Variants in ADH7 observed in about 807,000 individuals in gnomAD.
ADH7 encodes alcohol dehydrogenase 7 (class IV), mu or sigma polypeptide, also known as all-trans-retinol dehydrogenase [NAD(+)] ADH7.
Under a neutral mutation model 34.4 loss-of-function variants are expected in ADH7, and 41 were observed. That is an observed-to-expected ratio of 1.19 (90% confidence interval 0.93 to 1.55). The LOEUF (loss-of-function observed/expected upper bound fraction) is 1.55, where lower values mean the gene tolerates loss of function less well. Ranked by LOEUF, ADH7 falls within the 40% of genes most tolerant of loss-of-function variation. The pLI, the probability that ADH7 is intolerant of heterozygous loss-of-function variation, is 0.00. For missense variants in ADH7, 540 were observed against 461.2 expected, an observed-to-expected ratio of 1.17 and a Z score of -1.56; for synonymous variants, 180 against 160.9, an observed-to-expected ratio of 1.12 and a Z score of -0.90.
At chr4:99,416,388 C>T (rs1721516185) in intron 7 of ADH7, among the ~76,000 whole-genome samples, 1 of 152,116 alleles carries the variant, frequency 6.6e-6, no homozygotes, top group South Asian at 2.1e-4. Flanking sequence ...TCTTTGAGCT[C>T]CATTTTGACC....
At chr4:99,420,486 G>C (rs1154460) in intron 6 of ADH7, 47 bp downstream of exon 6, 9 of 1,570,754 alleles carry the variant, frequency 5.7e-6, no homozygotes, top group Non-Finnish European at 7.0e-6. Context: ...CCTTGTGCAT[G>C]TCTAATAACT....
rs569020312 is a variant in ADH7, at chr4:99,424,508, T to A, written c.564+3265A>T. Among the ~76,000 whole-genome samples, 882 of 152,308 alleles carry A rather than the reference T, an allele frequency of 5.8e-3. 6 individuals are homozygous for A. The highest frequency in any genetic ancestry group is 7.8e-3 in the Non-Finnish European group (531 of 68,022). Reference sequence around the variant, plus strand: ...TCATGATATTGATTCTTCCTACCCATGAGCATGGAATGTTCTTCCATTTCT... The same window carrying A: ...TCATGATATTGATTCTTCCTACCCAAGAGCATGGAATGTTCTTCCATTTCT... On this transcript the variant is annotated intron_variant, in intron 5 of 8. Coordinates refer to ENST00000437033, the MANE Select transcript of ADH7 (RefSeq NM_000673.7).
intron 5 of ADH7, among the ~76,000 whole-genome samples, chr4:99,427,221 T>G (rs1721830295): frequency 6.6e-6 from 1 of 152,194 alleles, no homozygotes. Context: ...ACAGCATTAC[T>G]GATAATAGGC....
intron 7 of ADH7, among the ~76,000 whole-genome samples, chr4:99,418,071 A>T (rs1041461203): frequency 8.5e-5 from 13 of 152,204 alleles, no homozygotes; most frequent in African/African-American, 3.1e-4. Context: ...CAGTTTTATT[A>T]TTCATTAAGT....
chr4:99,417,164 G>A (rs1721539114), intron 7 of ADH7, among the ~76,000 whole-genome samples: 1 of 152,066 alleles, frequency 6.6e-6, no homozygotes, highest in Non-Finnish European at 1.5e-5. Context: ...GCCAGAAGGA[G>A]AGTGTTAAAA....
At chr4:99,420,436 C>T in intron 6 of ADH7, 97 bp downstream of exon 6, 1 of 1,321,458 alleles carries the variant, frequency 7.6e-7, no homozygotes, top group Non-Finnish European at 1.0e-6. Flanking sequence ...GAGATATTTC[C>T]ATTATTGACT....
rs1171519139 is a variant in ADH7, at chr4:99,433,058, T to C, written c.18+2158A>G. ...ATGGTAAAATGGGCCATCTTACCTA[T>C]GTCAACCCTTTAGAAAGTAATTTGC... On this transcript the variant is annotated intron_variant, in intron 1 of 8. Transcript: ENST00000437033. 2.0e-5 allele frequency among the ~76,000 whole-genome samples: 3 copies of C among 152,296 alleles called. No homozygotes were observed. The East Asian group carries it at 5.8e-4, about 29-fold the overall frequency.
intron 6 of ADH7, among the ~76,000 whole-genome samples, chr4:99,419,560 A>G (rs1721600784): frequency 6.6e-6 from 1 of 152,082 alleles, no homozygotes; most frequent in Non-Finnish European, 1.5e-5. Context: ...TTTTCTTGGG[A>G]GCATTTCTGA....
chr4:99,421,770 T>A (rs565166821), intron 5 of ADH7, among the ~76,000 whole-genome samples: 6 of 152,112 alleles, frequency 3.9e-5, no homozygotes, highest in Admixed American at 1.3e-4. Flanking sequence ...AGGTCTAATA[T>A]GCAGAATTTA....
intron 1 of ADH7, among the ~76,000 whole-genome samples, chr4:99,433,127 A>G (rs1295954278): frequency 6.6e-6 from 1 of 152,188 alleles, no homozygotes; most frequent in East Asian, 1.9e-4. Flanking sequence ...ATGTTTACCC[A>G]TGTAATTCCA....
At chr4:99,433,158 G>A (rs1215204589) in intron 1 of ADH7, among the ~76,000 whole-genome samples, 2 of 152,034 alleles carry the variant, frequency 1.3e-5, no homozygotes, top group Admixed American at 1.3e-4. Context: ...CTACCTCGAA[G>A]AAATATTAAT....
chr4:99,421,791 A>G (rs1470082039), intron 5 of ADH7, among the ~76,000 whole-genome samples: 1 of 152,246 alleles, frequency 6.6e-6, no homozygotes, highest in Admixed American at 6.5e-5. Flanking sequence ...CAAGGAACTT[A>G]AACAAATATA....
intron 5 of ADH7, among the ~76,000 whole-genome samples, chr4:99,423,015 T>C (rs1391308991): frequency 1.2e-4 from 15 of 124,892 alleles, no homozygotes; most frequent in Admixed American, 3.2e-4. Context: ...CTCCTAATGC[T>C]ATCCCTCCCC....
chr4:99,429,949 C>G (rs375372176), intron 1 of ADH7, among the ~76,000 whole-genome samples: 1 of 152,032 alleles, frequency 6.6e-6, no homozygotes, highest in Non-Finnish European at 1.5e-5. Flanking sequence ...CACCCCCACC[C>G]AAAAATAGGT....
chr4:99,427,952 T>G lies in ADH7; in HGVS notation c.385A>C (p.Arg129=). Residue 129 remains arginine, a synonymous_variant, in exon 5 of 9, where the codon AGA becomes CGA. Coordinates refer to ENST00000437033, the MANE Select transcript of ADH7 (RefSeq NM_000673.7). ...GRGVLADGTT[R]FTCKGKPVHH... ...ACTGGTTTGCCCTTGCATGTAAATC[T>G]GGTGGTGCCATCAGCCAGTACTCCA... 2 of 1,614,044 alleles carry G rather than the reference T, an allele frequency of 1.2e-6. No homozygotes were observed. Among genetic ancestry groups the G allele is most frequent in the East Asian group, 2.2e-5 (1 of 44,888 alleles).
intron 5 of ADH7, among the ~76,000 whole-genome samples, chr4:99,423,845 G>A (rs1268362980): frequency 1.3e-5 from 2 of 152,078 alleles, no homozygotes; most frequent in Non-Finnish European, 2.9e-5. Context: ...TCACTCTGAT[G>A]GTAGTTTCTT....
chr4:99,428,921 C>G (rs1400206050), intron 2 of ADH7, among the ~76,000 whole-genome samples: 1 of 152,048 alleles, frequency 6.6e-6, no homozygotes, highest in African/African-American at 2.4e-5. Context: ...TATGTGATGG[C>G]CCCAAAGTAG....
chr4:99,434,728 C>T (rs555311187), intron 1 of ADH7, among the ~76,000 whole-genome samples: 43 of 151,866 alleles, frequency 2.8e-4, no homozygotes, highest in Non-Finnish European at 4.9e-4. Context: ...TTGTAAGAAA[C>T]CTAAAATTCA....
intron 1 of ADH7, among the ~76,000 whole-genome samples, chr4:99,430,771 A>C (rs183558656): frequency 7.4e-4 from 113 of 152,240 alleles, no homozygotes; most frequent in African/African-American, 2.6e-3. Context: ...AAACAAATTC[A>C]AGCTGGATTC....
Sources: allele counts gnomAD v4.1 joint callset (sites outside exome capture counted in the v4.1 genomes callset), GRCh38; gene constraint gnomAD v4.1.1; transcripts MANE v1.5; gene names NCBI Gene and HGNC (gene_info 2026-07-23, HGNC 2026-07-21).